ADK: variants seen among roughly 807,000 people sequenced by gnomAD.
ADK encodes adenosine kinase, also known as N6,N6-dimethyladenosine kinase.
In ADK, 24 loss-of-function variants were observed where a neutral mutation model predicts 44.7. The observed-to-expected ratio is 0.54, with a 90% CI of 0.39 to 0.76. ADK has a LOEUF of 0.76. ADK is among the 30% of genes least tolerant of loss of function. The pLI, the probability that ADK is intolerant of heterozygous loss-of-function variation, is 0.00. For missense variants in ADK, 321 were observed against 425.1 expected (o/e 0.76, Z 2.15); for synonymous variants, 128 against 142.6 (o/e 0.90, Z 0.73).
chr10:74,151,347 A>G lies in ADK; in HGVS notation c.65+4A>G. The stretch of plus-strand genomic sequence containing the variant: ...TGGAGGCGCCGCAAGCGCTGAGGTG[A>G]GCGCTGCCGGACTTGGGGAGGAGGG... On this transcript the variant is annotated splice_donor_region_variant and intron_variant, in intron 1 of 10. Coordinates refer to ENST00000539909, the MANE Select transcript of ADK (RefSeq NM_006721.4). 6.5e-7 allele frequency: 1 copy of G among 1,549,438 alleles called. No homozygotes were observed. Among genetic ancestry groups the G allele is most frequent in the Non-Finnish European group, 8.7e-7 (1 of 1,146,758 alleles).
intron 3 of ADK, among the ~76,000 whole-genome samples, chr10:74,262,382 T>G (rs1025956055): frequency 2.0e-5 from 3 of 152,030 alleles, no homozygotes; most frequent in Admixed American, 6.6e-5. Flanking sequence ...TTTATATAAT[T>G]GTGCCAGTTC....
intron 6 of ADK, among the ~76,000 whole-genome samples, chr10:74,452,956 C>A (rs976418532): frequency 1.3e-5 from 2 of 151,992 alleles, no homozygotes; most frequent in African/African-American, 4.8e-5. Flanking sequence ...AAGCTCCACA[C>A]TTTATAGATT....
At chr10:74,408,574 G>T (rs1844043290) in intron 6 of ADK, among the ~76,000 whole-genome samples, 1 of 152,076 alleles carries the variant, frequency 6.6e-6, no homozygotes, top group African/African-American at 2.4e-5. Flanking sequence ...TCTGGGCACT[G>T]ACCCCTTCGA....
At chr10:74,338,741 C>G (rs972656331) in intron 4 of ADK, among the ~76,000 whole-genome samples, 1 of 152,124 alleles carries the variant, frequency 6.6e-6, no homozygotes, top group South Asian at 2.1e-4. Context: ...GAAAATTAAC[C>G]TGTCATTCCA....
chr10:74,559,065 C>G (rs1201940470), intron 7 of ADK, among the ~76,000 whole-genome samples: 1 of 152,248 alleles, frequency 6.6e-6, no homozygotes, highest in African/African-American at 2.4e-5. Context: ...TACCTTCACA[C>G]CATGGCAGTC....
chr10:74,679,233 C>T (rs1489597410), intron 10 of ADK, among the ~76,000 whole-genome samples: 1 of 152,202 alleles, frequency 6.6e-6, no homozygotes, highest in Non-Finnish European at 1.5e-5. Context: ...TTTATAAACA[C>T]TGGTCTGTCG....
At chr10:74,371,583 A>T in intron 4 of ADK, 1 of 1,218,612 alleles carries the variant, frequency 8.2e-7, no homozygotes, top group Non-Finnish European at 1.2e-6. Context: ...GGATGTCCTT[A>T]AGTTCCTTGC....
intron 9 of ADK, among the ~76,000 whole-genome samples, chr10:74,623,970 A>T (rs1364008917): frequency 6.6e-6 from 1 of 152,056 alleles, no homozygotes; most frequent in African/African-American, 2.4e-5. Context: ...TGGCGGCAAA[A>T]TTTTCTTTTG....
At chr10:74,454,505 T>G (rs546882812) in intron 6 of ADK, among the ~76,000 whole-genome samples, 3 of 152,228 alleles carry the variant, frequency 2.0e-5, no homozygotes, top group African/African-American at 7.2e-5. Flanking sequence ...AGGCAGGGTA[T>G]AAATCCAAGT....
chr10:74,605,246 G>A (rs1206514234), intron 9 of ADK, among the ~76,000 whole-genome samples: 1 of 152,080 alleles, frequency 6.6e-6, no homozygotes, highest in Non-Finnish European at 1.5e-5. Context: ...TCTTTCTCTT[G>A]CCTGATTGCC....
chr10:74,280,295 G>C (rs1483477633), intron 3 of ADK, among the ~76,000 whole-genome samples: 1 of 151,898 alleles, frequency 6.6e-6, no homozygotes, highest in Non-Finnish European at 1.5e-5. Flanking sequence ...GTAGAGATGG[G>C]GTTTCACTGT....
At chr10:74,413,265 A>G (rs940978815) in intron 6 of ADK, among the ~76,000 whole-genome samples, 1 of 152,142 alleles carries the variant, frequency 6.6e-6, no homozygotes, top group African/African-American at 2.4e-5. Flanking sequence ...TATCCTTTGA[A>G]GCTTCGAAGC....
intron 6 of ADK, among the ~76,000 whole-genome samples, chr10:74,459,370 A>G (rs928961757): frequency 2.6e-5 from 4 of 152,092 alleles, no homozygotes; most frequent in Admixed American, 2.0e-4. Context: ...TTTTTCCTAG[A>G]ACACCTTTTT....
intron 9 of ADK, among the ~76,000 whole-genome samples, chr10:74,632,654 A>C (rs1853483177): frequency 6.6e-6 from 1 of 152,058 alleles, no homozygotes; most frequent in Non-Finnish European, 1.5e-5. Flanking sequence ...TATAAGGCCT[A>C]ATCTAATCTA....
intron 3 of ADK, among the ~76,000 whole-genome samples, chr10:74,298,343 A>G (rs1839887583): frequency 6.6e-6 from 1 of 152,242 alleles, no homozygotes; most frequent in Non-Finnish European, 1.5e-5. Context: ...AAGGAGAGCT[A>G]TTTACTAATG....
At chr10:74,504,487 C>G (rs1847978581) in intron 6 of ADK, among the ~76,000 whole-genome samples, 1 of 152,116 alleles carries the variant, frequency 6.6e-6, no homozygotes, top group Admixed American at 6.6e-5. Flanking sequence ...GAAGCCTTAC[C>G]TGTAACATTA....
At chr10:74,562,405 A>G in intron 7 of ADK, among the ~76,000 whole-genome samples, 1 of 152,190 alleles carries the variant, frequency 6.6e-6, no homozygotes, top group East Asian at 1.9e-4. Context: ...GAGCTAGTAG[A>G]AAAGCAAAGA....
At chr10:74,312,121 G>A (rs572733318) in intron 3 of ADK, among the ~76,000 whole-genome samples, 5 of 152,188 alleles carry the variant, frequency 3.3e-5, no homozygotes, top group African/African-American at 7.2e-5. Context: ...AGCCGAGATC[G>A]CGCCAGTGCA....
At chr10:74,514,574 A>G (rs1448926122) in intron 6 of ADK, among the ~76,000 whole-genome samples, 1 of 151,890 alleles carries the variant, frequency 6.6e-6, no homozygotes, top group Non-Finnish European at 1.5e-5. Context: ...CATTCATTAA[A>G]TTCTTCAGCT....
Sources: gnomAD v4.1 joint callset for allele counts (sites outside exome capture counted in the v4.1 genomes callset) on GRCh38, gnomAD v4.1.1 for gene constraint, MANE v1.5 for transcripts, NCBI Gene and HGNC (gene_info 2026-07-23, HGNC 2026-07-21) for gene names.